Variants in POLE observed in about 807,000 individuals in gnomAD.
The protein encoded by POLE is DNA polymerase epsilon, catalytic subunit.
A neutral mutation model predicts 279.2 loss-of-function variants in POLE; 188 were observed. The observed-to-expected ratio is 0.67, with a 90% CI of 0.60 to 0.76. POLE has a LOEUF of 0.76. Ranked by LOEUF, POLE falls within the 30% of genes least tolerant of loss-of-function variation. The pLI is 0.00. For missense variants in POLE, 2,703 were observed against 3,016.7 expected (o/e 0.90, Z 2.44); for synonymous variants, 1,214 against 1,172.5 (o/e 1.04, Z -0.72).
chr12:132,685,265 A>C (rs1042545746), intron 1 of POLE, among the ~76,000 whole-genome samples: 2 of 150,118 alleles, frequency 1.3e-5, no homozygotes, highest in African/African-American at 4.9e-5. Flanking sequence ...TCTCATTCAC[A>C]GAGAGCTACC....
chr12:132,641,272 T>C (rs1042702054), intron 39 of POLE: 4 of 372,700 alleles, frequency 1.1e-5, no homozygotes, highest in Non-Finnish European at 2.1e-5. Context: ...CCACGCCCTC[T>C]GCAGCAGACC....
intron 21 of POLE, 131 bp downstream of exon 21, chr12:132,665,171 G>T: frequency 2.0e-6 from 2 of 1,002,608 alleles, no homozygotes; most frequent in Non-Finnish European, 3.0e-6. Context: ...CCAGCCCAAA[G>T]CCTTCTCCCT....
Position 132,668,556 on chromosome 12 carries a change from TCCCA to T in POLE, c.2027-58_2027-55del. The T allele has an allele frequency of 6.3e-7, 1 of 1,580,856 alleles. No homozygotes were observed. Among genetic ancestry groups the T allele is most frequent in the Non-Finnish European group, 8.6e-7 (1 of 1,158,418 alleles). ...AAAAGGAGGCACAGACACACCGGCT[TCCCA>T]CCAAGTGGAGAAAGGCGGCCGACAC... is the stretch of plus-strand genomic sequence containing the variant. On this transcript the variant is annotated intron_variant, in intron 18 of 48. Transcript: ENST00000320574. This position sits in a 1 kb window ranked among gnomAD's most constrained non-coding sequence, Gnocchi z 4.0.
At chr12:132,659,624 C>T in intron 25 of POLE, 115 bp from the exon 26 acceptor site, 1 of 758,950 alleles carries the variant, frequency 1.3e-6, no homozygotes, top group Non-Finnish European at 2.2e-6. Flanking sequence ...CAGAAGGCTG[C>T]AATTTCAAGA....
In POLE at chr12:132,634,201, G is replaced by A. The variant is rs1593711868; in HGVS notation, c.5989C>T (p.Leu1997Phe). 1.9e-6 allele frequency: 3 copies of A among 1,612,732 alleles called. No homozygotes were observed. Among genetic ancestry groups the A allele is most frequent in the Non-Finnish European group, 2.5e-6 (3 of 1,179,266 alleles). ...PQAASCQNYFLMIVSAYIVAV... is the reference protein window; with the variant it reads ...PQAASCQNYFFMIVSAYIVAV... ...CTGGGCTTACCTGAAACAATCATGA[G>A]GAAGTAGTTCTGGCAGGAGGCTGCC... The change falls in exon 43 of 49, where the codon CTC (leucine) becomes TTC (phenylalanine). Residue 1997 changes from leucine to phenylalanine, a missense_variant. Transcript: ENST00000320574. This position sits in a 1 kb window ranked among gnomAD's most constrained non-coding sequence, Gnocchi z 4.0.
At chr12:132,674,607 C>T (rs1464301931) in intron 12 of POLE, among the ~76,000 whole-genome samples, 1 of 152,192 alleles carries the variant, frequency 6.6e-6, no homozygotes, top group East Asian at 1.9e-4. Flanking sequence ...TCCCCCTGCC[C>T]CACATGACAG....
intron 1 of POLE, among the ~76,000 whole-genome samples, chr12:132,682,306 AAAT>A (rs2043186841): frequency 4.0e-5 from 4 of 99,044 alleles, no homozygotes; most frequent in South Asian, 3.0e-4. Context: ...AAAAAAAAAT[AAAT>A]AAAAATAAAT....
At chr12:132,677,882 A>G (rs1343308930) in intron 6 of POLE, among the ~76,000 whole-genome samples, 163 bp from the exon 7 acceptor site, 1 of 152,184 alleles carries the variant, frequency 6.6e-6, no homozygotes, top group Non-Finnish European at 1.5e-5. Flanking sequence ...TTCCTTTAAG[A>G]ATGGCTTGGA....
At chr12:132,672,079 G>C in intron 16 of POLE, 136 bp downstream of exon 16, 1 of 665,512 alleles carries the variant, frequency 1.5e-6, no homozygotes, top group Non-Finnish European at 2.7e-6. Flanking sequence ...TGACTGCCCT[G>C]TCCCACCAGA....
chr12:132,642,918 C>G lies in POLE; in HGVS notation c.4630G>C (p.Glu1544Gln), dbSNP rs1555222735. 6.2e-7 allele frequency: 1 copy of G among 1,612,904 alleles called. No individual in the cohort carries two copies. Among genetic ancestry groups the G allele is most frequent in the African/African-American group, 1.3e-5 (1 of 74,958 alleles). Residue 1544 changes from glutamate to glutamine, a missense_variant, in exon 36 of 49, where the codon GAG (glutamate) becomes CAG (glutamine). By Grantham distance (29) the Glu-to-Gln change is conservative. This residue lies in a region of POLE where 1,551 missense variants were observed against 1,686.1 expected (regional missense o/e 0.92). Coordinates refer to ENST00000320574, the MANE Select transcript of POLE (RefSeq NM_006231.4). ...GTGTGTTTGGGGGGTGGCAGGAGCT[C>G]AGGGCCCACCTTCTCCAGGAGGAGG... ...HGLLLEKVGP[E>Q]LLPPPKHTFE...
In POLE at chr12:132,639,299, C is replaced by T. The variant is rs147344350; in HGVS notation, c.5379-1G>A. Reference sequence around the variant, plus strand: ...GCCCACGACCATGCTCTTCAGGATCCTGAAAGAGAAGGTGCACGACACCCT... The same window carrying T: ...GCCCACGACCATGCTCTTCAGGATCTTGAAAGAGAAGGTGCACGACACCCT... On this transcript the variant is annotated splice_acceptor_variant, in intron 39 of 48. Coordinates refer to ENST00000320574, the MANE Select transcript of POLE (RefSeq NM_006231.4). LOFTEE classifies it high-confidence loss of function. The surrounding 1 kb of genome is among the most constrained non-coding windows in gnomAD (Gnocchi z 4.7). The T allele has an allele frequency of 2.5e-6, 4 of 1,613,770 alleles. No homozygotes were observed. Among genetic ancestry groups the T allele is most frequent in the Non-Finnish European group, 3.4e-6 (4 of 1,179,870 alleles).
chr12:132,627,558 CA>C (rs2041862192), intron 45 of POLE, among the ~76,000 whole-genome samples: 1 of 152,176 alleles, frequency 6.6e-6, no homozygotes, highest in Non-Finnish European at 1.5e-5. Flanking sequence ...CCTGACCTCC[CA>C]AAGTGCTGGG....
At chr12:132,641,384 CT>C (rs1159408652) in intron 39 of POLE, 29 of 535,362 alleles carry the variant, frequency 5.4e-5, no homozygotes, top group African/African-American at 4.6e-4. Context: ...AAAAGTGGCC[CT>C]GGTTAGAAAG....
intron 41 of POLE, among the ~76,000 whole-genome samples, chr12:132,637,548 T>C (rs1008931654): frequency 6.4e-4 from 98 of 152,314 alleles, no homozygotes; most frequent in African/African-American, 2.2e-3. Context: ...GAACATGGCC[T>C]GGAAGGCAGG....
At chr12:132,682,305 T>A (rs202095101) in intron 1 of POLE, among the ~76,000 whole-genome samples, 4,127 of 75,396 alleles carry the variant, frequency 0.055, 209 homozygotes, top group African/African-American at 0.14. Flanking sequence ...AAAAAAAAAA[T>A]AAATAAAAAT....
At position 132,667,528 on chromosome 12, in the gene POLE, C is replaced by T. The variant is rs1555227096; in HGVS notation, c.2294G>A (p.Arg765His). Residue 765 changes from arginine to histidine, a missense_variant, in exon 20 of 49, where the codon CGT becomes CAT. By Grantham distance (29) the Arg-to-His change is conservative. Transcript: ENST00000320574. ...CTTGTGGAGCCCTTTGAACTCGTAA[C>T]GCCTGTCCCGGAAGGCACGCACGGT... ...VDTVRAFRDR[R>H]YEFKGLHKVW... The T allele has an allele frequency of 1.2e-6, 2 of 1,614,180 alleles. No homozygotes were observed. Among genetic ancestry groups the T allele is most frequent in the African/African-American group, 1.3e-5 (1 of 75,048 alleles).
intron 2 of POLE, 104 bp from the exon 3 acceptor site, chr12:132,680,791 C>G (rs897917363): frequency 9.1e-6 from 8 of 877,936 alleles, no homozygotes; most frequent in Non-Finnish European, 1.3e-5. Flanking sequence ...AACAAACCCT[C>G]TCATCTAGGT....
At chr12:132,653,058 A>G (rs932327856) in intron 29 of POLE, among the ~76,000 whole-genome samples, 4 of 152,046 alleles carry the variant, frequency 2.6e-5, no homozygotes, top group African/African-American at 9.7e-5. Flanking sequence ...TCTTTTTGTT[A>G]CTTAGGTAAA....
chr12:132,640,819 C>T (rs974511005), intron 39 of POLE, among the ~76,000 whole-genome samples: 8 of 152,168 alleles, frequency 5.3e-5, no homozygotes, highest in African/African-American at 1.9e-4. Flanking sequence ...ACTCCTTCTA[C>T]CTTTCAGGCC....
Sources: gnomAD v4.1 joint callset for allele counts (sites outside exome capture counted in the v4.1 genomes callset) on GRCh38, gnomAD v4.1.1 for gene constraint, gnomAD v4.1.1 regional missense constraint, Gnocchi (gnomAD v3.1) non-coding constraint, MANE v1.5 for transcripts, NCBI Gene and HGNC (gene_info 2026-07-23, HGNC 2026-07-21) for gene names.